PDLIM3: variants seen among roughly 807,000 people sequenced by gnomAD.
PDLIM3 encodes PDZ and LIM domain protein 3.
In PDLIM3, 36 loss-of-function variants were observed where a neutral mutation model predicts 37.3. That is an observed-to-expected ratio of 0.97 (90% CI 0.74 to 1.28). The LOEUF (loss-of-function observed/expected upper bound fraction) is 1.28. PDLIM3 is among the 50% of genes most tolerant of loss of function. The pLI is 0.00. For missense variants in PDLIM3, 454 were observed against 485.0 expected, an observed-to-expected ratio of 0.94 and a Z score of 0.60; for synonymous variants, 174 against 182.4, an observed-to-expected ratio of 0.95 and a Z score of 0.37.
chr4:185,526,939 C>A (rs926791671), intron 1 of PDLIM3, among the ~76,000 whole-genome samples: 1 of 152,194 alleles, frequency 6.6e-6, no homozygotes, highest in African/African-American at 2.4e-5. Context: ...TTCACCATTA[C>A]ATCCTATTTC....
At position 185,514,337 on chromosome 4, in the gene PDLIM3, C is replaced by G. The variant is rs143725812; in HGVS notation, c.331G>C (p.Asp111His). ...FKINLESEPQ[D>H]GNYFEHKHNI... ...TGCTTGTGTTCAAAGTAGTTCCCGT[C>G]CTGTGAAAACAAAGCGTTAAAAAGG... Residue 111 changes from aspartate to histidine, a missense_variant and splice_region_variant, in exon 4 of 8, where the codon GAC (aspartate) becomes CAC (histidine). Coordinates refer to ENST00000284767, the MANE Select transcript of PDLIM3 (RefSeq NM_014476.6). The surrounding 1 kb of genome is among the most constrained non-coding windows in gnomAD (Gnocchi z 4.0). 33 of 1,614,164 alleles carry G rather than the reference C, an allele frequency of 2.0e-5. No individual in the cohort carries two copies. The highest frequency in any genetic ancestry group is 1.0e-4 in the Admixed American group (6 of 60,024).
Position 185,535,453 on chromosome 4 carries a change from A to G in PDLIM3, c.-19T>C, listed in dbSNP as rs749640757. 6.4e-7 allele frequency: 1 copy of G among 1,570,736 alleles called. No homozygotes were observed. The highest frequency in any genetic ancestry group is 8.6e-7 in the Non-Finnish European group (1 of 1,159,676). On this transcript the variant is annotated 5_prime_UTR_variant, in exon 1 of 8. Coordinates refer to ENST00000284767, the MANE Select transcript of PDLIM3 (RefSeq NM_014476.6). ...GGGGCATGCCGCCTTCCTCCCGCCC[A>G]CCGGGCTCTAAGTGTCCCCGCGCAG...
chr4:185,506,261 C>G (rs1195624266), intron 6 of PDLIM3, among the ~76,000 whole-genome samples: 1 of 152,200 alleles, frequency 6.6e-6, no homozygotes, highest in Non-Finnish European at 1.5e-5. Flanking sequence ...GTAAGCTGAG[C>G]TAGCCCTTGA....
At position 185,504,187 on chromosome 4, in the gene PDLIM3, T is replaced by G. The variant is rs2095692501; in HGVS notation, c.905+288A>C. The stretch of plus-strand genomic sequence containing the variant: ...GGGTGGGGGAGTTTAAAGTGAAGTC[T>G]TGATTCTTAGACGTGACTTTTCAAC... On this transcript the variant is annotated intron_variant, in intron 7 of 7. Transcript: ENST00000284767. The surrounding 1 kb of genome is among the most constrained non-coding windows in gnomAD (Gnocchi z 4.7). 6.6e-6 allele frequency among the ~76,000 whole-genome samples: 1 copy of G among 152,166 alleles called. No homozygotes were observed. Among genetic ancestry groups the G allele is most frequent in the Admixed American group, 6.5e-5 (1 of 15,274 alleles).
intron 6 of PDLIM3, 71 bp downstream of exon 6, chr4:185,506,451 C>T (rs1264864477): frequency 1.3e-6 from 2 of 1,588,976 alleles, no homozygotes. Flanking sequence ...AGTATGTTTG[C>T]TGTCGTCCCC....
At chr4:185,534,504 G>A (rs533703735) in intron 1 of PDLIM3, among the ~76,000 whole-genome samples, 1 of 152,252 alleles carries the variant, frequency 6.6e-6, no homozygotes, top group Non-Finnish European at 1.5e-5. Flanking sequence ...TAATGCTTTA[G>A]AATTAATTCT....
intron 4 of PDLIM3, among the ~76,000 whole-genome samples, chr4:185,511,134 G>C (rs1002499785): frequency 2.0e-5 from 3 of 152,096 alleles, no homozygotes; most frequent in Non-Finnish European, 4.4e-5. Context: ...GCATACTTCC[G>C]GAAGCAACTT....
intron 1 of PDLIM3, among the ~76,000 whole-genome samples, chr4:185,533,056 G>T (rs56131401): frequency 3.3e-5 from 5 of 152,016 alleles, no homozygotes; most frequent in Non-Finnish European, 7.3e-5. Flanking sequence ...TGTGATCATC[G>T]GCGGGTTAAT....
intron 7 of PDLIM3, among the ~76,000 whole-genome samples, chr4:185,503,172 C>A (rs552922769): frequency 9.9e-5 from 15 of 152,030 alleles, no homozygotes; most frequent in African/African-American, 3.6e-4. Flanking sequence ...TGCAGTGAGC[C>A]GAGATCGCGC....
chr4:185,511,887 A>G (rs2095707141), intron 4 of PDLIM3, among the ~76,000 whole-genome samples: 1 of 152,170 alleles, frequency 6.6e-6, no homozygotes, highest in Non-Finnish European at 1.5e-5. Flanking sequence ...CACGTACCCC[A>G]TAAACATGTA....
At position 185,514,448 on chromosome 4, in the gene PDLIM3, C is replaced by CAT. The variant is rs1362909372; in HGVS notation, c.331-113_331-112dup. 6.2e-7 allele frequency: 1 copy of CAT among 1,602,582 alleles called. No individual in the cohort carries two copies. Among genetic ancestry groups the CAT allele is most frequent in the Non-Finnish European group, 8.5e-7 (1 of 1,172,682 alleles). The stretch of plus-strand genomic sequence containing the variant: ...AGGATCATTTACCACCAACTACTGT[C>CAT]ATAACTAAGAAAGGCGATGACGGGA... On this transcript the variant is annotated intron_variant, in intron 3 of 7. Coordinates refer to ENST00000284767, the MANE Select transcript of PDLIM3 (RefSeq NM_014476.6). The surrounding 1 kb of genome is among the most constrained non-coding windows in gnomAD (Gnocchi z 4.0).
Position 185,532,402 on chromosome 4 carries a change from T to C in PDLIM3, c.93+2940A>G, listed in dbSNP as rs2095746198. On this transcript the variant is annotated intron_variant, in intron 1 of 7. Transcript: ENST00000284767. Reference sequence around the variant, plus strand: ...GGTACAGGCATGACATAAGGAGGGGTTATACAGGCCGAAAGCTACAGTAAT... The same window carrying C: ...GGTACAGGCATGACATAAGGAGGGGCTATACAGGCCGAAAGCTACAGTAAT... Among the ~76,000 whole-genome samples, 3 of 151,912 alleles carry C rather than the reference T, an allele frequency of 2.0e-5. No homozygotes were observed. In the South Asian group the frequency reaches 6.3e-4, roughly 32 times the overall value.
Position 185,502,335 on chromosome 4 carries a change from G to A in PDLIM3, c.1054C>T (p.Pro352Ser), listed in dbSNP as rs1372648010. ...AGAGTGACCGTGTCATAGCCCTCTG[G>A]GGGCTTTGTGCGGGCTCTTGCGTGG... The part of the protein sequence containing the change: ...ETHARARTKP[P>S]EGYDTVTLYP... The change falls in exon 8 of 8, where the codon CCA (proline) becomes TCA (serine). Residue 352 changes from proline (P) to serine (S), a missense_variant. Coordinates refer to ENST00000284767, the MANE Select transcript of PDLIM3 (RefSeq NM_014476.6). The A allele has an allele frequency of 6.2e-7, 1 of 1,614,212 alleles. No individual in the cohort carries two copies. The highest frequency in any genetic ancestry group is 1.3e-5 in the African/African-American group (1 of 75,058).
At position 185,505,282 on chromosome 4, in the gene PDLIM3, A is replaced by G. The variant is rs546175170; in HGVS notation, c.794-696T>C. On this transcript the variant is annotated intron_variant, in intron 6 of 7. Coordinates refer to ENST00000284767, the MANE Select transcript of PDLIM3 (RefSeq NM_014476.6). ...ATTTTGCTTATCCATTCATCAGTCAATGGACATTGGGTGTTTTCCCTCTTT... is the reference window on the plus strand; with the variant it reads ...ATTTTGCTTATCCATTCATCAGTCAGTGGACATTGGGTGTTTTCCCTCTTT... Among the ~76,000 whole-genome samples, 30 of 152,372 alleles carry G rather than the reference A, an allele frequency of 2.0e-4. No individual in the cohort carries two copies. The East Asian group carries it at 5.4e-3, about 27-fold the overall frequency.
At position 185,519,512 on chromosome 4, in the gene PDLIM3, C is replaced by T. The variant is rs572421005; in HGVS notation, c.330+3850G>A. ...ATGTTGACCAGGCTGGTCTCAAACTCCTGACCTCAGGTGATCCACCTGCCT... is the reference window on the plus strand; with the variant it reads ...ATGTTGACCAGGCTGGTCTCAAACTTCTGACCTCAGGTGATCCACCTGCCT... On this transcript the variant is annotated intron_variant, in intron 3 of 7. Transcript: ENST00000284767. Among the ~76,000 whole-genome samples the T allele has an allele frequency of 1.8e-4, 27 of 152,278 alleles. No individual in the cohort carries two copies. The East Asian group carries it at 5.0e-3, about 28-fold the overall frequency.
intron 3 of PDLIM3, among the ~76,000 whole-genome samples, chr4:185,520,278 G>C (rs1293353295): frequency 2.6e-5 from 4 of 152,168 alleles, no homozygotes; most frequent in African/African-American, 7.2e-5. Context: ...GAAATCCTTT[G>C]GTTCATTAGT....
In PDLIM3 at chr4:185,514,866, GC is replaced by G. The variant is rs1215701672; in HGVS notation, c.331-530del. ...ACAAAAGGCTGGGCCCTTCTGTTGT[GC>G]GCGGTACCAATGGGTTTGAATTCCT... On this transcript the variant is annotated intron_variant, in intron 3 of 7. Coordinates refer to ENST00000284767, the MANE Select transcript of PDLIM3 (RefSeq NM_014476.6). This position sits in a 1 kb window ranked among gnomAD's most constrained non-coding sequence, Gnocchi z 4.0. The G allele has an allele frequency of 6.4e-7, 1 of 1,551,514 alleles. No individual in the cohort carries two copies. The highest frequency in any genetic ancestry group is 2.4e-5 in the East Asian group (1 of 40,920).
intron 1 of PDLIM3, among the ~76,000 whole-genome samples, chr4:185,532,243 C>T (rs2095745797): frequency 6.6e-6 from 1 of 152,206 alleles, no homozygotes; most frequent in South Asian, 2.1e-4. Flanking sequence ...ATCATTCATA[C>T]CGTGTCTATA....
At chr4:185,526,577 T>C (rs1370877918) in intron 1 of PDLIM3, among the ~76,000 whole-genome samples, 1 of 152,222 alleles carries the variant, frequency 6.6e-6, no homozygotes, top group Non-Finnish European at 1.5e-5. Context: ...TTAAAGTCAA[T>C]GATTCTTTTG....
Sources: gnomAD v4.1 joint callset for allele counts (sites outside exome capture counted in the v4.1 genomes callset) on GRCh38, gnomAD v4.1.1 for gene constraint, Gnocchi (gnomAD v3.1) non-coding constraint, MANE v1.5 for transcripts, NCBI Gene and HGNC (gene_info 2026-07-23, HGNC 2026-07-21) for gene names.